Variants in KCNJ6 observed in about 807,000 individuals in gnomAD.
KCNJ6 encodes the protein G protein-activated inward rectifier potassium channel 2.
A neutral mutation model predicts 34.2 loss-of-function variants in KCNJ6; 9 were observed. The ratio of observed to expected loss-of-function variants is 0.26; its 90% CI spans 0.16 to 0.46. KCNJ6 has a LOEUF of 0.46. Among genes scored for constraint, KCNJ6 ranks in the 20% least tolerant of loss-of-function variants. The probability of loss-of-function intolerance (pLI) is 1.00; values close to 1 mark genes in which losing one functional copy is unlikely to be tolerated. For synonymous variants in KCNJ6, 196 were observed against 207.1 expected, an observed-to-expected ratio of 0.95 and a Z score of 0.46; for missense variants, 236 against 531.3, an observed-to-expected ratio of 0.44 and a Z score of 5.46.
chr21:37,770,012 A>G (rs1471777783), intron 2 of KCNJ6, among the ~76,000 whole-genome samples: 1 of 152,186 alleles, frequency 6.6e-6, no homozygotes, highest in Non-Finnish European at 1.5e-5. Context: ...ATACATTTCT[A>G]TTCTTTATAA....
At chr21:37,810,430 G>A (rs2123541991) in intron 2 of KCNJ6, among the ~76,000 whole-genome samples, 1 of 152,328 alleles carries the variant, frequency 6.6e-6, no homozygotes, top group Non-Finnish European at 1.5e-5. Flanking sequence ...GTAAGGGCAA[G>A]AGCAAGGTTT....
chr21:37,742,662 C>T (rs117749961), intron 2 of KCNJ6, among the ~76,000 whole-genome samples: 1,718 of 152,326 alleles, frequency 0.011, 17 homozygotes, highest in Middle Eastern at 0.02. Context: ...CATCAGTTTT[C>T]ACTGGGGTTG....
chr21:37,864,719 G>A (rs2055613270), intron 1 of KCNJ6, among the ~76,000 whole-genome samples: 1 of 152,168 alleles, frequency 6.6e-6, no homozygotes, highest in African/African-American at 2.4e-5. Context: ...CTTGCTCCTA[G>A]CAAACTTATG....
chr21:37,648,655 T>C (rs912811817), intron 3 of KCNJ6, among the ~76,000 whole-genome samples: 4 of 152,278 alleles, frequency 2.6e-5, no homozygotes, highest in East Asian at 3.9e-4. Flanking sequence ...GAATAGACAG[T>C]CTTAATTTTA....
chr21:37,809,253 T>G (rs2055309207), intron 2 of KCNJ6, among the ~76,000 whole-genome samples: 1 of 152,082 alleles, frequency 6.6e-6, no homozygotes, highest in African/African-American at 2.4e-5. Flanking sequence ...GAAACCATCA[T>G]TCTCAGCAAA....
At chr21:37,846,032 AAAC>A (rs1009042037) in intron 1 of KCNJ6, among the ~76,000 whole-genome samples, 17 of 152,206 alleles carry the variant, frequency 1.1e-4, no homozygotes, top group African/African-American at 3.6e-4. Context: ...GCTGAAAAAA[AAAC>A]AACGTTAAGT....
chr21:37,661,614 G>GTT (rs59026391), intron 3 of KCNJ6, among the ~76,000 whole-genome samples: 8 of 71,170 alleles, frequency 1.1e-4, no homozygotes, highest in African/African-American at 1.6e-4. Context: ...AAGAGACATA[G>GTT]TTTTTTTTTT....
At chr21:37,743,948 G>A (rs1405575279) in intron 2 of KCNJ6, among the ~76,000 whole-genome samples, 2 of 151,914 alleles carry the variant, frequency 1.3e-5, no homozygotes, top group African/African-American at 4.8e-5. Flanking sequence ...TTTGTGGGGA[G>A]TGAAATGTTA....
chr21:37,705,451 G>T (rs1448805052), intron 3 of KCNJ6, among the ~76,000 whole-genome samples: 1 of 152,172 alleles, frequency 6.6e-6, no homozygotes, highest in Non-Finnish European at 1.5e-5. Context: ...ATCTAATAAG[G>T]TAATTGGCAT....
At chr21:37,804,406 CT>C (rs1254007276) in intron 2 of KCNJ6, among the ~76,000 whole-genome samples, 2 of 152,156 alleles carry the variant, frequency 1.3e-5, no homozygotes, top group Admixed American at 1.3e-4. Context: ...CACTACTATT[CT>C]TTTTTAATTT....
intron 2 of KCNJ6, among the ~76,000 whole-genome samples, chr21:37,834,300 C>T (rs982828426): frequency 7.9e-5 from 12 of 152,218 alleles, no homozygotes; most frequent in South Asian, 4.1e-4. Flanking sequence ...TTTGCTCTTC[C>T]GCCACCTCTG....
rs113086621 is a variant in KCNJ6 at position 37,876,758 on chromosome 21, C to T, written c.-27-36049G>A. Among the ~76,000 whole-genome samples the T allele has an allele frequency of 3.6e-3, 548 of 152,158 alleles. 5 individuals carry two copies. The highest frequency in any genetic ancestry group is 0.012 in the African/African-American group (504 of 41,490). ...CATGTAGACAGGCTGGAAAACCCAG[C>T]AACAATTGGACAAGTTGGCCAAGTC... is the stretch of plus-strand genomic sequence containing the variant. On this transcript the variant is annotated intron_variant, in intron 1 of 3. Coordinates refer to ENST00000609713, the MANE Select transcript of KCNJ6 (RefSeq NM_002240.5).
At chr21:37,799,994 A>T (rs2123530928) in intron 2 of KCNJ6, among the ~76,000 whole-genome samples, 1 of 152,310 alleles carries the variant, frequency 6.6e-6, no homozygotes, top group Non-Finnish European at 1.5e-5. Context: ...TATCTGTTAA[A>T]CCTTGGACTC....
intron 2 of KCNJ6, among the ~76,000 whole-genome samples, chr21:37,761,320 TTGTGTGTATTAG>T (rs2055061260): frequency 4.9e-4 from 1 of 2,024 alleles, no homozygotes; most frequent in Non-Finnish European, 7.5e-4. Context: ...GCTGTGTGTC[TTGTGTGTATTAG>T]TGTGTGTATA....
chr21:37,824,110 G>A (rs1170202008), intron 2 of KCNJ6, among the ~76,000 whole-genome samples: 1 of 152,134 alleles, frequency 6.6e-6, no homozygotes, highest in Non-Finnish European at 1.5e-5. Flanking sequence ...GGGGGAAAAA[G>A]AGACAAATGC....
intron 2 of KCNJ6, among the ~76,000 whole-genome samples, chr21:37,767,801 T>C (rs1053655104): frequency 2.0e-5 from 3 of 152,210 alleles, no homozygotes; most frequent in Admixed American, 2.0e-4. Flanking sequence ...AGTCCTAAAA[T>C]TGTATTTTGA....
intron 1 of KCNJ6, among the ~76,000 whole-genome samples, chr21:37,866,488 C>T (rs1314997769): frequency 3.3e-5 from 5 of 152,096 alleles, no homozygotes; most frequent in East Asian, 1.9e-4. Context: ...ACCAGGAGCC[C>T]GACCTTTCAC....
intron 2 of KCNJ6, among the ~76,000 whole-genome samples, chr21:37,812,105 T>C (rs540851194): frequency 5.9e-5 from 9 of 152,298 alleles, no homozygotes; most frequent in African/African-American, 2.2e-4. Context: ...CCCCGTGAAA[T>C]TGGAAACCAT....
intron 3 of KCNJ6, among the ~76,000 whole-genome samples, chr21:37,665,475 A>G (rs954524164): frequency 2.6e-5 from 4 of 152,238 alleles, no homozygotes; most frequent in Non-Finnish European, 4.4e-5. Context: ...GTAGCTCTGA[A>G]TTGTAAAGAG....
Sources: gnomAD v4.1 joint callset for allele counts (sites outside exome capture counted in the v4.1 genomes callset) on GRCh38, gnomAD v4.1.1 for gene constraint, MANE v1.5 for transcripts, NCBI Gene and HGNC (gene_info 2026-07-23, HGNC 2026-07-21) for gene names.